The following ASIP variants were observed in gnomAD, a reference collection of about 807,000 sequenced individuals.
ASIP encodes the protein agouti signaling protein, also known as agouti-signaling protein.
ASIP carries 11 observed loss-of-function variants against 10.3 expected under a neutral mutation model. The observed-to-expected ratio is 1.07, with a 90% CI of 0.68 to 1.78. ASIP has a LOEUF of 1.78. Ranked by LOEUF, ASIP falls within the 40% of genes most tolerant of loss-of-function variation. The probability of loss-of-function intolerance (pLI) is 0.00; values close to 1 mark genes in which losing one functional copy is unlikely to be tolerated. For missense variants in ASIP, 180 were observed against 169.2 expected, an observed-to-expected ratio of 1.06 and a Z score of -0.35; for synonymous variants, 70 against 70.8, an observed-to-expected ratio of 0.99 and a Z score of 0.06.
chr20:34,245,888 G>A, intron 1 of ASIP: 1 of 1,266,412 alleles, frequency 7.9e-7, no homozygotes, highest in South Asian at 1.5e-5. Context: ...ATATATAAAG[G>A]CCTCTCTCCC....
At chr20:34,213,294 A>C (rs1308270716) in intron 1 of ASIP, among the ~76,000 whole-genome samples, 3 of 152,220 alleles carry the variant, frequency 2.0e-5, no homozygotes, top group Admixed American at 6.5e-5. Context: ...CAGAACTGTG[A>C]ACCAATAACT....
chr20:34,222,438 C>T (rs1047307713), intron 1 of ASIP, among the ~76,000 whole-genome samples: 2 of 152,058 alleles, frequency 1.3e-5, no homozygotes, highest in African/African-American at 4.8e-5. Flanking sequence ...ATCATTGCTT[C>T]GAGGGCCGTA....
upstream of ASIP, among the ~76,000 whole-genome samples, chr20:34,190,485 G>A (rs112580436): frequency 4.5e-4 from 69 of 152,120 alleles, no homozygotes; most frequent in African/African-American, 1.4e-3. Context: ...TAATTACTAC[G>A]TATATGATAA....
At chr20:34,198,626 C>A (rs1183530727) in intron 1 of ASIP, among the ~76,000 whole-genome samples, 1 of 152,018 alleles carries the variant, frequency 6.6e-6, no homozygotes, top group Non-Finnish European at 1.5e-5. Flanking sequence ...GCTAGGATTA[C>A]AGGCACATAC....
intron 1 of ASIP, among the ~76,000 whole-genome samples, chr20:34,200,351 C>G (rs1489409663): frequency 6.6e-6 from 1 of 152,174 alleles, no homozygotes; most frequent in East Asian, 1.9e-4. Flanking sequence ...TTAAGAAATA[C>G]AGTACTAAAG....
chr20:34,225,686 C>G (rs1280731609), intron 1 of ASIP, among the ~76,000 whole-genome samples: 8 of 152,014 alleles, frequency 5.3e-5, no homozygotes, highest in Non-Finnish European at 7.4e-5. Flanking sequence ...TCCGCTGATT[C>G]ATGTTTTTTC....
At chr20:34,235,817 GA>G (rs1435060322) in intron 1 of ASIP, among the ~76,000 whole-genome samples, 1 of 59,180 alleles carries the variant, frequency 1.7e-5, no homozygotes, top group Non-Finnish European at 2.6e-5. Flanking sequence ...AAGAAAGAAA[GA>G]AAGAAAGAAA....
intron 1 of ASIP, among the ~76,000 whole-genome samples, chr20:34,245,256 C>A (rs2035352167): frequency 6.7e-6 from 1 of 149,344 alleles, no homozygotes; most frequent in Non-Finnish European, 1.5e-5. Flanking sequence ...ATCGCTTGAA[C>A]CTGGGAGGCG....
chr20:34,189,335 C>T, the ASIP span, among the ~76,000 whole-genome samples: 15 of 152,028 alleles, frequency 9.9e-5, no homozygotes, highest in African/African-American at 2.4e-4. Context: ...CTCTACCTCC[C>T]GGGTTCAAGT....
At chr20:34,210,920 A>C (rs1185252682) in intron 1 of ASIP, among the ~76,000 whole-genome samples, 1 of 152,186 alleles carries the variant, frequency 6.6e-6, no homozygotes, top group Non-Finnish European at 1.5e-5. Context: ...ATGGAGTATT[A>C]GTCCTTTTAT....
At chr20:34,209,104 T>G (rs562234353) in intron 1 of ASIP, among the ~76,000 whole-genome samples, 1 of 152,348 alleles carries the variant, frequency 6.6e-6, no homozygotes, top group African/African-American at 2.4e-5. Context: ...CTTTGTTTCT[T>G]TCTTTTGTAT....
intron 1 of ASIP, among the ~76,000 whole-genome samples, chr20:34,251,315 G>A (rs1416090885): frequency 6.6e-6 from 1 of 151,310 alleles, no homozygotes; most frequent in Non-Finnish European, 1.5e-5. Flanking sequence ...CCGTCGCCCA[G>A]GCTGGAGTGC....
chr20:34,206,355 C>G (rs12625272), intron 1 of ASIP, among the ~76,000 whole-genome samples: 15,746 of 152,156 alleles, frequency 0.1, 877 homozygotes, highest in South Asian at 0.18. Flanking sequence ...CCCTACTACC[C>G]TTCCCACCTT....
the ASIP span, among the ~76,000 whole-genome samples, chr20:34,187,697 T>C: frequency 2.0e-3 from 312 of 152,334 alleles, 3 homozygotes; most frequent in African/African-American, 7.3e-3. Context: ...CTAGAGTGCC[T>C]TTTGGATATG....
At chr20:34,224,970 G>GT (rs922194560) in intron 1 of ASIP, among the ~76,000 whole-genome samples, 6 of 140,168 alleles carry the variant, frequency 4.3e-5, no homozygotes, top group African/African-American at 1.3e-4. Flanking sequence ...GATCCTGCAT[G>GT]TTTTTTTTAT....
chr20:34,253,412 CTCTT>C (rs1351827606), intron 1 of ASIP, among the ~76,000 whole-genome samples: 3 of 150,502 alleles, frequency 2.0e-5, no homozygotes, highest in African/African-American at 7.4e-5. Flanking sequence ...AGCCTGATCT[CTCTT>C]TCTTTTCCCT....
intron 1 of ASIP, among the ~76,000 whole-genome samples, chr20:34,247,921 G>A (rs1329138447): frequency 2.0e-5 from 3 of 152,164 alleles, no homozygotes; most frequent in Admixed American, 6.5e-5. Context: ...AATTGCCCCT[G>A]AAGGCCGGGC....
intron 3 of ASIP, among the ~76,000 whole-genome samples, chr20:34,264,355 C>A (rs2035749115): frequency 6.6e-6 from 1 of 152,218 alleles, no homozygotes; most frequent in South Asian, 2.1e-4. Flanking sequence ...TTACAACGCT[C>A]TGTGAGCTAA....
chr20:34,203,557 G>T (rs1436736820), intron 1 of ASIP, among the ~76,000 whole-genome samples: 1 of 146,008 alleles, frequency 6.8e-6, no homozygotes, highest in Non-Finnish European at 1.5e-5. Flanking sequence ...GCCACCACAC[G>T]TGGCTAATCT....
Sources: gnomAD v4.1 joint callset for allele counts (sites outside exome capture counted in the v4.1 genomes callset) on GRCh38, gnomAD v4.1.1 for gene constraint, MANE v1.5 for transcripts, NCBI Gene and HGNC (gene_info 2026-07-23, HGNC 2026-07-21) for gene names.